The following SOX6 variants were observed in gnomAD, a reference collection of about 807,000 sequenced individuals.
The protein encoded by SOX6 is SRY-box transcription factor 6, also known as transcription factor SOX-6.
SOX6 carries 11 observed loss-of-function variants against 97.8 expected under a neutral mutation model. The observed-to-expected ratio is 0.11, with a 90% CI of 0.07 to 0.19. The LOEUF (loss-of-function observed/expected upper bound fraction) is 0.19. Ranked by LOEUF, SOX6 falls within the 10% of genes least tolerant of loss-of-function variation. SOX6 has a pLI of 1.00. For missense variants in SOX6, 810 were observed against 1,039.5 expected, an observed-to-expected ratio of 0.78 and a Z score of 3.04; for synonymous variants, 360 against 371.4, an observed-to-expected ratio of 0.97 and a Z score of 0.35.
At chr11:16,012,746 G>T (rs768193293) in intron 13 of SOX6, among the ~76,000 whole-genome samples, 1 of 151,908 alleles carries the variant, frequency 6.6e-6, no homozygotes, top group Non-Finnish European at 1.5e-5. Context: ...GGCTCATAGC[G>T]AGTAATTTAA....
At chr11:16,529,846 G>C (rs1246677751) in intron 4 of SOX6, among the ~76,000 whole-genome samples, 1 of 151,944 alleles carries the variant, frequency 6.6e-6, no homozygotes, top group East Asian at 1.9e-4. Context: ...TCTTACCAAT[G>C]CAGTATGTGT....
At chr11:16,002,295 T>C (rs1854429529) in intron 13 of SOX6, among the ~76,000 whole-genome samples, 1 of 152,220 alleles carries the variant, frequency 6.6e-6, no homozygotes, top group Non-Finnish European at 1.5e-5. Context: ...AGCTGATGCA[T>C]GTGGCTCGTG....
At chr11:16,224,921 TG>T (rs1852642112) in intron 4 of SOX6, among the ~76,000 whole-genome samples, 6 of 152,056 alleles carry the variant, frequency 3.9e-5, no homozygotes, top group Admixed American at 3.9e-4. Context: ...AGTAAGAAGT[TG>T]GATTACACAA....
intron 6 of SOX6, among the ~76,000 whole-genome samples, chr11:16,159,094 A>G (rs1224033850): frequency 6.6e-6 from 1 of 152,078 alleles, no homozygotes; most frequent in Admixed American, 6.6e-5. Flanking sequence ...ATATCTACCA[A>G]TGATACTACA....
At chr11:16,070,980 A>G (rs1848210139) in intron 9 of SOX6, among the ~76,000 whole-genome samples, 1 of 152,234 alleles carries the variant, frequency 6.6e-6, no homozygotes, top group East Asian at 1.9e-4. Context: ...GCTCCAACAG[A>G]GGTCACAGTT....
intron 2 of SOX6, among the ~76,000 whole-genome samples, chr11:16,716,354 G>A (rs1185686615): frequency 6.6e-6 from 1 of 152,142 alleles, no homozygotes; most frequent in Non-Finnish European, 1.5e-5. Flanking sequence ...GGCCAGCTTG[G>A]GCAACATAGA....
At chr11:16,253,485 G>C (rs1023045850) in intron 3 of SOX6, among the ~76,000 whole-genome samples, 3 of 152,070 alleles carry the variant, frequency 2.0e-5, no homozygotes, top group Non-Finnish European at 4.4e-5. Flanking sequence ...AAAAAGTAGA[G>C]AGTATGCAGA....
In SOX6 at chr11:15,966,771, G is replaced by A. The variant is rs1853153128; in HGVS notation, c.*6038C>T. ...TTTCCCTTAATTATGAGGCAGAGGA[G>A]GGGAAGACTTTGAAAAGTACCACTG... On this transcript the variant is annotated 3_prime_UTR_variant, in exon 16 of 16. Coordinates refer to ENST00000683767, the MANE Select transcript of SOX6 (RefSeq NM_001367873.1). 6.6e-6 allele frequency: 1 copy of A among 152,178 alleles called. No homozygotes were observed. Among genetic ancestry groups the A allele is most frequent in the Non-Finnish European group, 1.5e-5 (1 of 68,038 alleles). 9.4% of individuals were successfully genotyped at this position (152,178 alleles called of 1,614,324 possible).
chr11:16,394,591 C>A (rs1179559503), intron 1 of SOX6, among the ~76,000 whole-genome samples: 1 of 151,844 alleles, frequency 6.6e-6, no homozygotes. Flanking sequence ...GTTTTTATAA[C>A]CTTTTCTATA....
rs766282814 is a variant in SOX6, at chr11:16,318,603, A to G, written c.288T>C (p.Ser96=). 2 of 1,613,710 alleles carry G rather than the reference A, an allele frequency of 1.2e-6. No individual in the cohort carries two copies. The highest frequency in any genetic ancestry group is 1.1e-5 in the South Asian group (1 of 91,070). ...LCSLYSFRNT[S]TSPHKPDEGS... is the part of the protein sequence containing the mutation. ...CTTCGTCAGGCTTATGTGGTGAGGT[A>G]GAGGTATTTCGGAAGGAATATAGGG... The change falls in exon 3 of 16, where the codon TCT becomes TCC. Residue 96 remains serine (S), a synonymous_variant. Transcript: ENST00000683767.
intron 3 of SOX6, among the ~76,000 whole-genome samples, chr11:16,698,239 C>T (rs1420307176): frequency 6.6e-6 from 1 of 152,130 alleles, no homozygotes; most frequent in Non-Finnish European, 1.5e-5. Flanking sequence ...TTCTGGGTAA[C>T]TTACTGCAGT....
At chr11:16,258,515 A>G (rs951900519) in intron 3 of SOX6, among the ~76,000 whole-genome samples, 2 of 152,026 alleles carry the variant, frequency 1.3e-5, no homozygotes, top group African/African-American at 4.8e-5. Flanking sequence ...AAATAAAACT[A>G]TGAAGATATT....
At chr11:16,562,797 C>T (rs1337974185) in intron 4 of SOX6, among the ~76,000 whole-genome samples, 1 of 152,062 alleles carries the variant, frequency 6.6e-6, no homozygotes, top group African/African-American at 2.4e-5. Context: ...GTAATGAGGC[C>T]ACCTCTGCTA....
Position 16,133,410 on chromosome 11 carries a change from GA to G in SOX6, c.778-21488del, listed in dbSNP as rs1159880173. Among the ~76,000 whole-genome samples, 7 of 152,212 alleles carry G rather than the reference GA, an allele frequency of 4.6e-5. No individual in the cohort carries two copies. In the East Asian group the frequency reaches 5.8e-4, roughly 13 times the overall value. ...ACCATGTTTGTGAGTGTAGGTAGGA[GA>G]AAAAACTCTGAGGAACAGAGCTGGG... On this transcript the variant is annotated intron_variant, in intron 6 of 15. Coordinates refer to ENST00000683767, the MANE Select transcript of SOX6 (RefSeq NM_001367873.1).
At chr11:16,318,363 G>A in intron 3 of SOX6, 83 bp downstream of exon 3, 8 of 1,449,814 alleles carry the variant, frequency 5.5e-6, no homozygotes, top group Non-Finnish European at 7.7e-6. Context: ...TCTGACCCTT[G>A]AAATCCCACT....
chr11:16,499,077 A>T (rs1860658425), intron 4 of SOX6, among the ~76,000 whole-genome samples: 1 of 152,248 alleles, frequency 6.6e-6, no homozygotes, highest in Non-Finnish European at 1.5e-5. Flanking sequence ...TCCGCAGCAA[A>T]TGTAAAAGAA....
At chr11:16,051,856 C>T (rs554884614) in intron 10 of SOX6, among the ~76,000 whole-genome samples, 84 of 151,214 alleles carry the variant, frequency 5.6e-4, no homozygotes, top group South Asian at 2.7e-3. Context: ...TTAGTCTATT[C>T]GATGTTGCCC....
intron 1 of SOX6, among the ~76,000 whole-genome samples, chr11:16,410,921 C>T (rs990865381): frequency 6.7e-6 from 1 of 148,702 alleles, no homozygotes; most frequent in African/African-American, 2.5e-5. Context: ...AATAAGGGTG[C>T]ATATGACTAC....
chr11:16,127,547 T>C (rs1378735510), intron 6 of SOX6, among the ~76,000 whole-genome samples: 2 of 152,134 alleles, frequency 1.3e-5, no homozygotes, highest in Non-Finnish European at 2.9e-5. Context: ...AATGGTATAA[T>C]AAACATAAAG....
Sources: allele counts gnomAD v4.1 joint callset (sites outside exome capture counted in the v4.1 genomes callset), GRCh38; gene constraint gnomAD v4.1.1; transcripts MANE v1.5; gene names NCBI Gene and HGNC (gene_info 2026-07-23, HGNC 2026-07-21).